Variants in TMPRSS15 observed in about 807,000 individuals in gnomAD.
TMPRSS15 encodes the protein transmembrane serine protease 15, also known as enteropeptidase.
In TMPRSS15, 128 loss-of-function variants were observed where a neutral mutation model predicts 125.3. That is an observed-to-expected ratio of 1.02 (90% CI 0.89 to 1.18). The LOEUF is 1.18. Ranked by LOEUF, TMPRSS15 falls within the 50% of genes most tolerant of loss-of-function variation. The pLI is 0.00. For synonymous variants in TMPRSS15, 446 were observed against 423.2 expected (o/e 1.05, Z -0.66); for missense variants, 1,283 against 1,212.7 (o/e 1.06, Z -0.86).
intron 1 of TMPRSS15, among the ~76,000 whole-genome samples, chr21:18,423,504 G>T (rs775489773): frequency 3.3e-5 from 5 of 151,274 alleles, no homozygotes; most frequent in Non-Finnish European, 7.4e-5. Context: ...CGCCTCCCGG[G>T]TTCAGGCCAT....
intron 18 of TMPRSS15, among the ~76,000 whole-genome samples, chr21:18,305,183 CTTTTTTT>C (rs59103494): frequency 0.014 from 1,164 of 86,080 alleles, 33 homozygotes; most frequent in African/African-American, 0.049. Flanking sequence ...AATTTCCGTA[CTTTTTTT>C]TTTTTTTTTT....
intron 1 of TMPRSS15, among the ~76,000 whole-genome samples, chr21:18,435,199 G>A (rs1239197012): frequency 2.0e-5 from 3 of 152,158 alleles, no homozygotes; most frequent in Non-Finnish European, 2.9e-5. Flanking sequence ...GGGCATCCCT[G>A]TCTTGTGCCA....
chr21:18,383,862 A>T (rs1225489234), intron 3 of TMPRSS15, 84 bp from the exon 4 acceptor site: 1 of 1,473,348 alleles, frequency 6.8e-7, no homozygotes, highest in Non-Finnish European at 9.3e-7. Context: ...TGTCTTTGAA[A>T]TTCTCTATAG....
At chr21:18,372,459 T>C in intron 5 of TMPRSS15, 135 bp from the exon 6 acceptor site, 2 of 798,764 alleles carry the variant, frequency 2.5e-6, no homozygotes, top group Non-Finnish European at 3.9e-6. Flanking sequence ...TTTATTTCAT[T>C]TGCAAATCAA....
chr21:18,465,374 C>G (rs1978639204), intron 1 of TMPRSS15, among the ~76,000 whole-genome samples: 1 of 152,154 alleles, frequency 6.6e-6, no homozygotes, highest in Admixed American at 6.6e-5. Flanking sequence ...CCTCTCTCAC[C>G]ACTCCTATTC....
intron 21 of TMPRSS15, among the ~76,000 whole-genome samples, chr21:18,284,130 G>C (rs1165811451): frequency 6.6e-6 from 1 of 152,148 alleles, no homozygotes; most frequent in Non-Finnish European, 1.5e-5. Context: ...GCAGCACCAT[G>C]GATAGGAAAA....
chr21:18,354,336 T>A (rs1436462318), intron 8 of TMPRSS15, among the ~76,000 whole-genome samples: 2 of 151,772 alleles, frequency 1.3e-5, no homozygotes, highest in Non-Finnish European at 3.0e-5. Context: ...GACCTCAAAA[T>A]AATACCAGGT....
intron 10 of TMPRSS15, among the ~76,000 whole-genome samples, chr21:18,352,680 A>G (rs1372076189): frequency 3.3e-5 from 5 of 151,916 alleles, no homozygotes; most frequent in Admixed American, 3.3e-4. Context: ...ACTTTTCAAC[A>G]TTTTGCAAAT....
chr21:18,308,376 T>TAC (rs3138687), intron 18 of TMPRSS15, among the ~76,000 whole-genome samples: 31,480 of 148,478 alleles, frequency 0.21, 4,920 homozygotes, highest in African/African-American at 0.44. Flanking sequence ...TAAAAAGAAT[T>TAC]ACACACACAC....
At position 18,403,661 on chromosome 21, in the gene TMPRSS15, A is replaced by G; in HGVS notation, c.-39T>C. The G allele has an allele frequency of 6.2e-7, 1 of 1,613,236 alleles. No homozygotes were observed. The highest frequency in any genetic ancestry group is 8.5e-7 in the Non-Finnish European group (1 of 1,179,350). On this transcript the variant is annotated 5_prime_UTR_variant, in exon 1 of 25. Transcript: ENST00000284885. ...GGCTTGCTAATTTAAGAACTGAAAG[A>G]GAATATAAATAATTCTACCAACTGA...
chr21:18,292,662 G>C (rs2074852833), intron 21 of TMPRSS15, among the ~76,000 whole-genome samples: 1 of 152,178 alleles, frequency 6.6e-6, no homozygotes, highest in African/African-American at 2.4e-5. Context: ...GGTTGATATA[G>C]CAAGGTTGCT....
intron 11 of TMPRSS15, 66 bp from the exon 12 acceptor site, chr21:18,343,722 T>TA (rs2075475276): frequency 2.0e-6 from 3 of 1,523,816 alleles, no homozygotes; most frequent in Non-Finnish European, 2.7e-6. Context: ...TTTCAGAGCT[T>TA]TTCTACATTT....
At chr21:18,307,696 G>T (rs1354368249) in intron 18 of TMPRSS15, among the ~76,000 whole-genome samples, 3 of 152,054 alleles carry the variant, frequency 2.0e-5, no homozygotes, top group Non-Finnish European at 4.4e-5. Flanking sequence ...CTGTTAAAAT[G>T]TAATAAAGAT....
At chr21:18,298,870 A>G (rs1424589590) in intron 18 of TMPRSS15, among the ~76,000 whole-genome samples, 2 of 152,320 alleles carry the variant, frequency 1.3e-5, no homozygotes, top group South Asian at 2.1e-4. Context: ...TCCAAGTAAC[A>G]TTCAAAGCTT....
At chr21:18,411,410 C>T (rs949946301) in intron 1 of TMPRSS15, among the ~76,000 whole-genome samples, 1 of 151,764 alleles carries the variant, frequency 6.6e-6, no homozygotes, top group African/African-American at 2.4e-5. Flanking sequence ...ACTTTCCTTT[C>T]TACAATTTTA....
chr21:18,457,094 GC>G (rs1978456144), intron 1 of TMPRSS15, among the ~76,000 whole-genome samples: 1 of 152,014 alleles, frequency 6.6e-6, no homozygotes, highest in Non-Finnish European at 1.5e-5. Flanking sequence ...ACCTATCTAA[GC>G]CTCAATTTCC....
At chr21:18,432,491 G>T (rs1487704078) in intron 1 of TMPRSS15, among the ~76,000 whole-genome samples, 1 of 152,122 alleles carries the variant, frequency 6.6e-6, no homozygotes, top group Non-Finnish European at 1.5e-5. Flanking sequence ...TTAAGTGGAG[G>T]ACATAATGGA....
intron 16 of TMPRSS15, among the ~76,000 whole-genome samples, chr21:18,320,899 G>A (rs1439982104): frequency 6.6e-6 from 1 of 152,148 alleles, no homozygotes; most frequent in Non-Finnish European, 1.5e-5. Flanking sequence ...GTGAGAGAAA[G>A]AAAAAGAAAT....
chr21:18,426,228 A>G (rs942707981), intron 1 of TMPRSS15, among the ~76,000 whole-genome samples: 2 of 147,740 alleles, frequency 1.4e-5, no homozygotes, highest in African/African-American at 5.3e-5. Context: ...CATGTGTTCT[A>G]TGAAGTAGGA....
Sources: allele counts gnomAD v4.1 joint callset (sites outside exome capture counted in the v4.1 genomes callset), GRCh38; gene constraint gnomAD v4.1.1; transcripts MANE v1.5; gene names NCBI Gene and HGNC (gene_info 2026-07-23, HGNC 2026-07-21).